KCNIP4: variants seen among roughly 807,000 people sequenced by gnomAD.
The protein encoded by KCNIP4 is potassium voltage-gated channel interacting protein 4.
Under a neutral mutation model 34.0 loss-of-function variants are expected in KCNIP4, and 12 were observed. The ratio of observed to expected loss-of-function variants is 0.35; its 90% CI spans 0.23 to 0.57. The LOEUF is 0.57. KCNIP4 is among the 20% of genes least tolerant of loss of function. The pLI is 0.83. For missense variants in KCNIP4, 238 were observed against 311.7 expected (o/e 0.76, Z 1.78); for synonymous variants, 124 against 102.2 (o/e 1.21, Z -1.29).
chr4:20,785,775 T>C (rs1317794048), intron 3 of KCNIP4, among the ~76,000 whole-genome samples: 3 of 152,060 alleles, frequency 2.0e-5, no homozygotes, highest in African/African-American at 7.2e-5. Context: ...TCAAGATGTA[T>C]TAAAGACTGA....
chr4:20,846,702 C>G (rs11725280), intron 3 of KCNIP4, among the ~76,000 whole-genome samples: 1 of 152,000 alleles, frequency 6.6e-6, no homozygotes, highest in East Asian at 1.9e-4. Context: ...AGACTTCATG[C>G]GATTCCAATG....
intron 1 of KCNIP4, among the ~76,000 whole-genome samples, chr4:21,868,376 T>C (rs1725558250): frequency 6.6e-6 from 1 of 152,166 alleles, no homozygotes; most frequent in African/African-American, 2.4e-5. Flanking sequence ...CTTTTATCTA[T>C]AATAACTAAA....
intron 1 of KCNIP4, among the ~76,000 whole-genome samples, chr4:21,310,038 T>C (rs1712973210): frequency 6.6e-6 from 1 of 152,178 alleles, no homozygotes; most frequent in Non-Finnish European, 1.5e-5. Context: ...AGATATTTTT[T>C]GGTTTTTTTG....
intron 1 of KCNIP4, among the ~76,000 whole-genome samples, chr4:21,323,301 G>A (rs1366736445): frequency 6.6e-6 from 1 of 151,762 alleles, no homozygotes; most frequent in African/African-American, 2.4e-5. Flanking sequence ...CATTTCAAAT[G>A]TACAAATTAG....
At position 21,439,196 on chromosome 4, in the gene KCNIP4, A is replaced by T. The variant is rs1450942341; in HGVS notation, c.61+509375T>A. On this transcript the variant is annotated intron_variant, in intron 1 of 8. Coordinates refer to ENST00000382152, the MANE Select transcript of KCNIP4 (RefSeq NM_025221.6). ...AAAAAAAAAAGTAGAGAAAGAAGCC[A>T]ACAAGAGGGAGGTCCTTGTCTGGCC... Among the ~76,000 whole-genome samples the T allele has an allele frequency of 4.0e-5, 6 of 150,844 alleles. No individual in the cohort carries two copies. In the South Asian group the frequency reaches 1.0e-3, roughly 26 times the overall value.
chr4:21,288,889 C>T (rs1763276000), intron 1 of KCNIP4, among the ~76,000 whole-genome samples: 1 of 152,170 alleles, frequency 6.6e-6, no homozygotes, highest in African/African-American at 2.4e-5. Flanking sequence ...ATCCATATTG[C>T]TCCAAAGGAC....
intron 1 of KCNIP4, among the ~76,000 whole-genome samples, chr4:21,109,452 G>GA (rs1748942009): frequency 6.6e-6 from 1 of 152,362 alleles, no homozygotes; most frequent in South Asian, 2.1e-4. Context: ...AAGCCCGTCA[G>GA]AAAAGCACAG....
chr4:21,021,874 A>C (rs554802389), intron 1 of KCNIP4, among the ~76,000 whole-genome samples: 8 of 144,458 alleles, frequency 5.5e-5, no homozygotes, highest in African/African-American at 1.3e-4. Flanking sequence ...AGTATAGTAT[A>C]GTATAGTATA....
At chr4:20,858,952 A>G (rs1004924517) in intron 2 of KCNIP4, among the ~76,000 whole-genome samples, 6 of 152,338 alleles carry the variant, frequency 3.9e-5, no homozygotes, top group Non-Finnish European at 7.3e-5. Flanking sequence ...GCTTTTTAAC[A>G]CCAAAGACCA....
At chr4:20,948,092 A>G (rs1303271763) in intron 1 of KCNIP4, among the ~76,000 whole-genome samples, 1 of 152,226 alleles carries the variant, frequency 6.6e-6, no homozygotes, top group African/African-American at 2.4e-5. Flanking sequence ...AAGAAGAAAG[A>G]TAACTCCTGC....
chr4:21,748,359 T>C (rs1230959418), intron 1 of KCNIP4, among the ~76,000 whole-genome samples: 2 of 152,244 alleles, frequency 1.3e-5, no homozygotes, highest in South Asian at 4.1e-4. Flanking sequence ...TTGCATAGGA[T>C]TGTTAACAAG....
At chr4:21,788,708 C>A (rs1437669499) in intron 1 of KCNIP4, among the ~76,000 whole-genome samples, 1 of 152,018 alleles carries the variant, frequency 6.6e-6, no homozygotes, top group African/African-American at 2.4e-5. Flanking sequence ...TCCTTGAGCC[C>A]GACCTACATG....
chr4:20,836,785 G>A (rs1719082725), intron 3 of KCNIP4, among the ~76,000 whole-genome samples: 1 of 151,986 alleles, frequency 6.6e-6, no homozygotes, highest in Non-Finnish European at 1.5e-5. Context: ...GGGCACCCTA[G>A]TATAGCTTAG....
At chr4:21,701,350 G>T (rs986988070) in intron 1 of KCNIP4, among the ~76,000 whole-genome samples, 1 of 152,146 alleles carries the variant, frequency 6.6e-6, no homozygotes, top group Non-Finnish European at 1.5e-5. Flanking sequence ...TGTACAACGC[G>T]ATGACCACAG....
chr4:21,419,838 A>T (rs184614348), intron 1 of KCNIP4, among the ~76,000 whole-genome samples: 52 of 152,282 alleles, frequency 3.4e-4, no homozygotes, highest in African/African-American at 1.2e-3. Context: ...CTCCAAATGA[A>T]TCCCAGTCCA....
At chr4:21,654,252 G>T (rs1346583544) in intron 1 of KCNIP4, among the ~76,000 whole-genome samples, 1 of 152,150 alleles carries the variant, frequency 6.6e-6, no homozygotes, top group African/African-American at 2.4e-5. Context: ...AGCCCTCAGA[G>T]TATCATATAA....
intron 1 of KCNIP4, among the ~76,000 whole-genome samples, chr4:21,398,387 C>G (rs1723185816): frequency 6.6e-6 from 1 of 152,146 alleles, no homozygotes; most frequent in Admixed American, 6.5e-5. Context: ...TGCTGTTAAT[C>G]CCAATGGCAC....
intron 1 of KCNIP4, among the ~76,000 whole-genome samples, chr4:21,740,434 C>A (rs1031169797): frequency 1.3e-5 from 2 of 151,842 alleles, no homozygotes; most frequent in African/African-American, 4.8e-5. Flanking sequence ...TCAATTTATT[C>A]CTTCTTTCCA....
Position 21,933,792 on chromosome 4 carries a change from T to C in KCNIP4, c.61+14779A>G, listed in dbSNP as rs545313117. On this transcript the variant is annotated intron_variant, in intron 1 of 8. Transcript: ENST00000382152. ...ATTTAATAGGATGATGGCAGAAATA[T>C]GAGACTTACCTAATAGTTAAAATAA... Among the ~76,000 whole-genome samples, 19 of 152,254 alleles carry C rather than the reference T, an allele frequency of 1.2e-4. No individual in the cohort carries two copies. In the South Asian group the frequency reaches 3.9e-3, roughly 32 times the overall value.
Sources: gnomAD v4.1 joint callset for allele counts (sites outside exome capture counted in the v4.1 genomes callset) on GRCh38, gnomAD v4.1.1 for gene constraint, MANE v1.5 for transcripts, NCBI Gene and HGNC (gene_info 2026-07-23, HGNC 2026-07-21) for gene names.